Variants in KCNIP4 observed in about 807,000 individuals in gnomAD.
KCNIP4 encodes potassium voltage-gated channel interacting protein 4.
A neutral mutation model predicts 34.0 loss-of-function variants in KCNIP4; 12 were observed. The ratio of observed to expected loss-of-function variants is 0.35; its 90% CI spans 0.23 to 0.57. The LOEUF is 0.57. Ranked by LOEUF, KCNIP4 falls within the 20% of genes least tolerant of loss-of-function variation. The probability of loss-of-function intolerance (pLI) is 0.83; values close to 1 mark genes in which losing one functional copy is unlikely to be tolerated. For synonymous variants in KCNIP4, 124 were observed against 102.2 expected (o/e 1.21, Z -1.29); for missense variants, 238 against 311.7 (o/e 0.76, Z 1.78).
At chr4:21,300,563 T>A (rs1376399303) in intron 1 of KCNIP4, among the ~76,000 whole-genome samples, 1 of 129,814 alleles carries the variant, frequency 7.7e-6, no homozygotes, top group Non-Finnish European at 1.6e-5. Context: ...TAATATGATG[T>A]GCTTACTTGT....
chr4:21,925,030 CA>C (rs1188798626), intron 1 of KCNIP4, among the ~76,000 whole-genome samples: 1 of 152,134 alleles, frequency 6.6e-6, no homozygotes, highest in Non-Finnish European at 1.5e-5. Flanking sequence ...CTACTCCAGT[CA>C]TACTTGATTT....
intron 1 of KCNIP4, among the ~76,000 whole-genome samples, chr4:21,482,092 G>C (rs1246546881): frequency 1.3e-5 from 2 of 151,666 alleles, no homozygotes; most frequent in Non-Finnish European, 2.9e-5. Context: ...TTTGATCTTT[G>C]TTGGTTTAAA....
chr4:21,712,890 T>C (rs1256742859), intron 1 of KCNIP4, among the ~76,000 whole-genome samples: 1 of 152,206 alleles, frequency 6.6e-6, no homozygotes, highest in Non-Finnish European at 1.5e-5. Context: ...TGGGCAATCA[T>C]TCTAGTATTA....
intron 1 of KCNIP4, among the ~76,000 whole-genome samples, chr4:21,342,345 A>G (rs13120951): frequency 0.026 from 4,009 of 152,260 alleles, 197 homozygotes; most frequent in East Asian, 0.19. Flanking sequence ...GCATACATAT[A>G]TAATATATAC....
At chr4:20,786,515 A>G (rs923672) in intron 3 of KCNIP4, among the ~76,000 whole-genome samples, 65,197 of 152,018 alleles carry the variant, frequency 0.43, 14,948 homozygotes, top group East Asian at 0.7. Context: ...AGTCTTCTAT[A>G]TTTTTCCATA....
intron 1 of KCNIP4, among the ~76,000 whole-genome samples, chr4:21,298,350 G>T (rs372291393): frequency 1.3e-5 from 2 of 152,036 alleles, no homozygotes; most frequent in East Asian, 3.9e-4. Context: ...TTAATTCAAT[G>T]CTGGATGCAC....
intron 1 of KCNIP4, among the ~76,000 whole-genome samples, chr4:21,841,021 T>C (rs913502994): frequency 4.6e-5 from 7 of 152,230 alleles, no homozygotes; most frequent in Non-Finnish European, 1.0e-4. Context: ...CTACTGAGTA[T>C]GTGAAATAAA....
chr4:21,454,072 CA>C (rs1189766968), intron 1 of KCNIP4, among the ~76,000 whole-genome samples: 2 of 152,048 alleles, frequency 1.3e-5, no homozygotes, highest in African/African-American at 4.8e-5. Context: ...ACAGTTGGCC[CA>C]GCTAGAATAC....
intron 1 of KCNIP4, among the ~76,000 whole-genome samples, chr4:21,195,160 C>A (rs1273638650): frequency 6.6e-6 from 1 of 152,182 alleles, no homozygotes. Context: ...CCCTCAAGGT[C>A]ATTGATGAGG....
At chr4:21,829,686 C>A (rs1187263752) in intron 1 of KCNIP4, among the ~76,000 whole-genome samples, 2 of 151,070 alleles carry the variant, frequency 1.3e-5, no homozygotes, top group African/African-American at 2.4e-5. Flanking sequence ...CCTATAGCAG[C>A]CATAAAAAAT....
At chr4:21,561,440 C>CA (rs1577598301) in intron 1 of KCNIP4, among the ~76,000 whole-genome samples, 1 of 152,070 alleles carries the variant, frequency 6.6e-6, no homozygotes. Flanking sequence ...AGCATTGAGA[C>CA]AGACAACTCT....
At chr4:21,012,410 C>A (rs1208742178) in intron 1 of KCNIP4, among the ~76,000 whole-genome samples, 1 of 151,948 alleles carries the variant, frequency 6.6e-6, no homozygotes, top group Non-Finnish European at 1.5e-5. Context: ...GAGTCCACAT[C>A]TTCACAAAAA....
chr4:20,974,399 G>A (rs1577467096), intron 1 of KCNIP4, among the ~76,000 whole-genome samples: 2 of 152,134 alleles, frequency 1.3e-5, no homozygotes, highest in East Asian at 3.9e-4. Flanking sequence ...AAGAAAGGGT[G>A]GTATAAAAGA....
chr4:21,651,443 A>G (rs1747472066), intron 1 of KCNIP4, among the ~76,000 whole-genome samples: 1 of 152,194 alleles, frequency 6.6e-6, no homozygotes, highest in Non-Finnish European at 1.5e-5. Context: ...GGCATTGTTA[A>G]TACTCCATCT....
At chr4:20,990,859 G>T (rs975552027) in intron 1 of KCNIP4, among the ~76,000 whole-genome samples, 18 of 152,092 alleles carry the variant, frequency 1.2e-4, no homozygotes, top group Non-Finnish European at 4.4e-5. Flanking sequence ...CTGGCTTTAA[G>T]GCCGTGATTC....
At chr4:21,572,480 T>C (rs916162352) in intron 1 of KCNIP4, among the ~76,000 whole-genome samples, 2 of 152,080 alleles carry the variant, frequency 1.3e-5, no homozygotes, top group African/African-American at 4.8e-5. Context: ...AAACTCCCAA[T>C]TTGGTCAAAA....
intron 1 of KCNIP4, among the ~76,000 whole-genome samples, chr4:21,207,063 C>T (rs760517575): frequency 5.3e-5 from 8 of 152,126 alleles, no homozygotes; most frequent in Non-Finnish European, 7.3e-5. Flanking sequence ...TTCCTAGCCT[C>T]GGAAAATTAG....
chr4:21,281,089 T>TC (rs1041500427), intron 1 of KCNIP4, among the ~76,000 whole-genome samples: 9 of 135,902 alleles, frequency 6.6e-5, no homozygotes, highest in East Asian at 2.0e-4. Context: ...ATTTTCTTCT[T>TC]TTTTTTTTTT....
chr4:21,700,017 G>A (rs1712706988), intron 1 of KCNIP4, among the ~76,000 whole-genome samples: 1 of 152,068 alleles, frequency 6.6e-6, no homozygotes, highest in African/African-American at 2.4e-5. Flanking sequence ...ACTGAATAGG[G>A]ACATGAGGGA....
Sources: allele counts gnomAD v4.1 joint callset (sites outside exome capture counted in the v4.1 genomes callset), GRCh38; gene constraint gnomAD v4.1.1; transcripts MANE v1.5; gene names NCBI Gene and HGNC (gene_info 2026-07-23, HGNC 2026-07-21).